SZRD1: variants seen among roughly 807,000 people sequenced by gnomAD.
SZRD1 encodes the protein SUZ RNA-binding domain-containing.
Under a neutral mutation model 17.6 loss-of-function variants are expected in SZRD1, and 7 were observed. The ratio of observed to expected loss-of-function variants is 0.40; its 90% confidence interval spans 0.23 to 0.75. SZRD1 has a LOEUF of 0.75. SZRD1 is among the 30% of genes least tolerant of loss of function. The pLI is 0.38. For synonymous variants in SZRD1, 77 were observed against 77.9 expected (o/e 0.99, Z 0.06); for missense variants, 178 against 201.8 (o/e 0.88, Z 0.71).
rs2082874552 is a variant in SZRD1 at position 16,369,435 on chromosome 1, TC to T, written c.51+2129del. The T allele has an allele frequency of 1.0e-5, 11 of 1,061,840 alleles. No homozygotes were observed. The South Asian group carries it at 1.4e-4, about 13-fold the overall frequency. 65.8% of individuals were successfully genotyped at this position (1,061,840 alleles called of 1,614,324 possible). On this transcript the variant is annotated intron_variant, in intron 1 of 3. Transcript: ENST00000401088. ...GCTCAAAATTGGCAGCATCCATGATTCCATCTTCTACGGGGTGAGTGCATTC... is the reference window on the plus strand; with the variant it reads ...GCTCAAAATTGGCAGCATCCATGATTCATCTTCTACGGGGTGAGTGCATTC...
In SZRD1 at chr1:16,371,903, A is replaced by AT. The variant is rs544353219; in HGVS notation, c.51+4602dup. On this transcript the variant is annotated intron_variant, in intron 1 of 3. Transcript: ENST00000401088. ...TGTGCCTGGCTAATTTAAAAAGAAA[A>AT]TTTTTTTGTAGAGACAGGGTCTTGC... Among the ~76,000 whole-genome samples, 20 of 152,038 alleles carry AT rather than the reference A, an allele frequency of 1.3e-4. No individual in the cohort carries two copies. The South Asian group carries it at 4.2e-3, about 32-fold the overall frequency.
intron 3 of SZRD1, among the ~76,000 whole-genome samples, chr1:16,394,494 G>C (rs913521969): frequency 2.6e-5 from 4 of 152,200 alleles, no homozygotes; most frequent in Non-Finnish European, 4.4e-5. Flanking sequence ...ACAAGTGCAT[G>C]ATGGCAGCTG....
intron 1 of SZRD1, among the ~76,000 whole-genome samples, chr1:16,382,384 C>T (rs1236485737): frequency 6.6e-6 from 1 of 152,016 alleles, no homozygotes; most frequent in Non-Finnish European, 1.5e-5. Flanking sequence ...AATAGGGTTT[C>T]ACCATGTTGG....
intron 1 of SZRD1, among the ~76,000 whole-genome samples, chr1:16,376,388 A>G (rs1435039658): frequency 2.0e-5 from 3 of 152,236 alleles, no homozygotes; most frequent in African/African-American, 7.2e-5. Context: ...TGAAGAGCCA[A>G]GCGATAATCC....
At chr1:16,380,761 C>T (rs757321689) in intron 1 of SZRD1, among the ~76,000 whole-genome samples, 2 of 152,200 alleles carry the variant, frequency 1.3e-5, no homozygotes, top group Admixed American at 6.5e-5. Flanking sequence ...AGCCACCGTG[C>T]GTGGCCACCT....
In SZRD1 at chr1:16,391,315, G is replaced by A. The variant is rs2085218290; in HGVS notation, c.52-60G>A. On this transcript the variant is annotated intron_variant, in intron 1 of 3. Transcript: ENST00000401088. The surrounding 1 kb of genome is among the most constrained non-coding windows in gnomAD (Gnocchi z 4.3). ...CACTGCCCTTAGCTCCAAAAATAAA[G>A]ACTAAGTTTTTATTTGAGAGAGATT... 4.3e-5 allele frequency: 55 copies of A among 1,280,108 alleles called. 1 individual carries two copies. In the South Asian group the frequency reaches 6.4e-4, roughly 15 times the overall value. 79.3% of individuals were successfully genotyped at this position (1,280,108 alleles called of 1,614,324 possible).
At chr1:16,371,053 CT>C in intron 1 of SZRD1, among the ~76,000 whole-genome samples, 1 of 152,266 alleles carries the variant, frequency 6.6e-6, no homozygotes. Flanking sequence ...TTTGAATACC[CT>C]ACTCCAAAAC....
intron 1 of SZRD1, chr1:16,387,257 G>C (rs1423434950): frequency 2.2e-6 from 1 of 455,380 alleles, no homozygotes; most frequent in East Asian, 6.9e-5. Context: ...TTCCACCCAG[G>C]CTCCTTGTGC....
chr1:16,377,984 G>A (rs187776762), intron 1 of SZRD1, among the ~76,000 whole-genome samples: 14 of 152,238 alleles, frequency 9.2e-5, no homozygotes, highest in Non-Finnish European at 1.8e-4. Flanking sequence ...ATTGCTTAGT[G>A]TTGTACGAAA....
chr1:16,372,328 C>T (rs930521557), intron 1 of SZRD1, among the ~76,000 whole-genome samples: 3 of 152,050 alleles, frequency 2.0e-5, no homozygotes, highest in African/African-American at 7.2e-5. Context: ...CAAAAATGAG[C>T]TTGGCATGGT....
intron 1 of SZRD1, among the ~76,000 whole-genome samples, chr1:16,377,354 G>A (rs530002344): frequency 9.9e-5 from 15 of 152,170 alleles, no homozygotes; most frequent in Admixed American, 2.0e-4. Context: ...AAGTCAAGGC[G>A]GGTGGATTGC....
Position 16,393,259 on chromosome 1 carries a change from A to C in SZRD1, c.133A>C (p.Ile45Leu). The change falls in exon 3 of 4, where the codon ATT (isoleucine) becomes CTT (leucine). Residue 45 changes from isoleucine (I) to leucine (L), a missense_variant. Ile to Leu is a conservative substitution (Grantham distance 5). Around this residue, in one of 3 missense-constraint regions of SZRD1, gnomAD observed 117 missense variants for 108.7 expected, o/e 1.08. Transcript: ENST00000401088. This position sits in a 1 kb window ranked among gnomAD's most constrained non-coding sequence, Gnocchi z 5.6. ...RKSKSPPKVP[I>L]VIQDDSLPAG... ...ATCCAAATCTCCTCCCAAAGTGCCC[A>C]TTGTGATTCAGGACGATAGCCTTCC... is the stretch of plus-strand genomic sequence containing the variant. 6.2e-7 allele frequency: 1 copy of C among 1,614,146 alleles called. No homozygotes were observed. Among genetic ancestry groups the C allele is most frequent in the African/African-American group, 1.3e-5 (1 of 75,030 alleles).
chr1:16,389,080 CTTTTTTTT>C (rs779460255), intron 1 of SZRD1, among the ~76,000 whole-genome samples: 2,413 of 114,926 alleles, frequency 0.021, 75 homozygotes, highest in African/African-American at 0.073. Flanking sequence ...TAGTTATTTC[CTTTTTTTT>C]TTTTTTTTTT....
At chr1:16,386,578 T>C (rs2085125640) in intron 1 of SZRD1, among the ~76,000 whole-genome samples, 1 of 152,190 alleles carries the variant, frequency 6.6e-6, no homozygotes, top group African/African-American at 2.4e-5. Flanking sequence ...TGACTCATGA[T>C]ACCTGGACAG....
rs377261108 is a variant in SZRD1, at chr1:16,393,288, G to A, written c.162G>A (p.Ala54=). The change falls in exon 3 of 4, where the codon GCG becomes GCA. Residue 54 remains alanine, a synonymous_variant. Coordinates refer to ENST00000401088, the MANE Select transcript of SZRD1 (RefSeq NM_001114600.3). The surrounding 1 kb of genome is among the most constrained non-coding windows in gnomAD (Gnocchi z 5.6). ...PIVIQDDSLP[A]GPPPQIRILK... ...TGATTCAGGACGATAGCCTTCCCGC[G>A]GGGCCCCCTCCACAGATCCGCATCC... The A allele has an allele frequency of 3.1e-6, 5 of 1,614,110 alleles. No individual in the cohort carries two copies. The highest frequency in any genetic ancestry group is 2.5e-6 in the Non-Finnish European group (3 of 1,180,024).
chr1:16,383,647 T>G (rs1390676522), intron 1 of SZRD1, among the ~76,000 whole-genome samples: 2 of 147,506 alleles, frequency 1.4e-5, no homozygotes, highest in Non-Finnish European at 3.0e-5. Context: ...TTAGACAGAG[T>G]CTTGCTCTGT....
At position 16,373,604 on chromosome 1, in the gene SZRD1, G is replaced by GTT. The variant is rs762266701; in HGVS notation, c.51+6307_51+6308dup. Among the ~76,000 whole-genome samples the GTT allele has an allele frequency of 5.3e-3, 753 of 142,580 alleles. 11 individuals are homozygous for GTT. Among genetic ancestry groups the GTT allele is most frequent in the African/African-American group, 0.018 (680 of 38,596 alleles). 93.5% of individuals were successfully genotyped at this position (142,580 alleles called of 152,430 possible). The stretch of plus-strand genomic sequence containing the variant: ...CAAAAAAAAAAAAAAAACAAAACAC[G>GTT]TTTTTTTTTTTTGAGACAGGGTCTC... On this transcript the variant is annotated intron_variant, in intron 1 of 3. Coordinates refer to ENST00000401088, the MANE Select transcript of SZRD1 (RefSeq NM_001114600.3).
At chr1:16,381,511 C>G (rs1427785001) in intron 1 of SZRD1, among the ~76,000 whole-genome samples, 1 of 146,574 alleles carries the variant, frequency 6.8e-6, no homozygotes, top group South Asian at 2.2e-4. Flanking sequence ...GAGCTGAGAT[C>G]GTGCCATTGC....
intron 1 of SZRD1, among the ~76,000 whole-genome samples, chr1:16,377,758 C>T (rs957459193): frequency 2.6e-5 from 4 of 152,018 alleles, no homozygotes; most frequent in Admixed American, 2.6e-4. Context: ...TTTGCCTTGC[C>T]TGGTAGTGAG....
Sources: gnomAD v4.1 joint callset for allele counts (sites outside exome capture counted in the v4.1 genomes callset) on GRCh38, gnomAD v4.1.1 for gene constraint, gnomAD v4.1.1 regional missense constraint, Gnocchi (gnomAD v3.1) non-coding constraint, MANE v1.5 for transcripts, NCBI Gene and HGNC (gene_info 2026-07-23, HGNC 2026-07-21) for gene names.